ZNF618: variants seen among roughly 807,000 people sequenced by gnomAD.
The protein encoded by ZNF618 is neural precursor cell expressed, developmentally down-regulated 10.
ZNF618 carries 34 observed loss-of-function variants against 103.0 expected under a neutral mutation model. The observed-to-expected ratio is 0.33, with a 90% CI of 0.25 to 0.44. The LOEUF (loss-of-function observed/expected upper bound fraction) is 0.44. Among genes scored for constraint, ZNF618 ranks in the 20% least tolerant of loss-of-function variants. The pLI, the probability that ZNF618 is intolerant of heterozygous loss-of-function variation, is 1.00. For missense variants in ZNF618, 1,059 were observed against 1,295.4 expected (o/e 0.82, Z 2.80); for synonymous variants, 551 against 542.2 (o/e 1.02, Z -0.23).
chr9:113,933,220 CTG>C (rs1221205774), intron 1 of ZNF618, among the ~76,000 whole-genome samples: 1 of 152,168 alleles, frequency 6.6e-6, no homozygotes, highest in Non-Finnish European at 1.5e-5. Context: ...AGAATGGGAA[CTG>C]AGGTAGAGCC....
At chr9:113,929,195 A>C (rs1359347335) in intron 1 of ZNF618, among the ~76,000 whole-genome samples, 1 of 152,128 alleles carries the variant, frequency 6.6e-6, no homozygotes, top group East Asian at 1.9e-4. Flanking sequence ...CTCCCCTAAG[A>C]CTGGACCCCA....
chr9:114,000,656 T>C (rs1401037704), intron 4 of ZNF618, among the ~76,000 whole-genome samples: 2 of 152,152 alleles, frequency 1.3e-5, no homozygotes, highest in Non-Finnish European at 2.9e-5. Context: ...CCAGCTTCAC[T>C]TCATGCCTCA....
At chr9:114,035,366 G>A in intron 12 of ZNF618, 1 of 578,262 alleles carries the variant, frequency 1.7e-6, no homozygotes, top group South Asian at 7.6e-5. Flanking sequence ...GGCAGACCCG[G>A]CAGCTGGTGG....
In ZNF618 at chr9:114,019,925, A is replaced by C. The variant is rs200731737; in HGVS notation, c.844+3141A>C. Among the ~76,000 whole-genome samples the C allele has an allele frequency of 7.2e-5, 11 of 152,280 alleles. No homozygotes were observed. The East Asian group carries it at 2.1e-3, about 29-fold the overall frequency. On this transcript the variant is annotated intron_variant, in intron 10 of 14. Coordinates refer to ENST00000374126, the MANE Select transcript of ZNF618 (RefSeq NM_001318042.2). ...CTCAAGGATATCCTTGCCTACCTCA[A>C]AATGGTAAAGATACCCTGTTTTATT... is the stretch of plus-strand genomic sequence containing the variant.
intron 1 of ZNF618, among the ~76,000 whole-genome samples, chr9:113,951,647 C>A (rs939265521): frequency 6.7e-6 from 1 of 150,244 alleles, no homozygotes; most frequent in South Asian, 2.1e-4. Flanking sequence ...CCCATTAACT[C>A]TAGTATTTCC....
At chr9:114,015,519 C>G (rs1246663240) in intron 9 of ZNF618, among the ~76,000 whole-genome samples, 1 of 152,076 alleles carries the variant, frequency 6.6e-6, no homozygotes, top group East Asian at 1.9e-4. Context: ...CATTTTCATA[C>G]CTTTCTGGTT....
At chr9:113,949,543 CTCTT>C (rs1247783396) in intron 1 of ZNF618, among the ~76,000 whole-genome samples, 1 of 152,176 alleles carries the variant, frequency 6.6e-6, no homozygotes, top group Non-Finnish European at 1.5e-5. Context: ...CTCAGTCAGA[CTCTT>C]TCCCTGGAGG....
intron 1 of ZNF618, among the ~76,000 whole-genome samples, chr9:113,946,528 C>A (rs923297690): frequency 6.6e-6 from 1 of 152,150 alleles, no homozygotes; most frequent in African/African-American, 2.4e-5. Flanking sequence ...TCCTTCAAGA[C>A]ATCCCACCTT....
At position 114,029,084 on chromosome 9, in the gene ZNF618, C is replaced by T; in HGVS notation, c.1084+112C>T. 9.1e-6 allele frequency: 13 copies of T among 1,422,378 alleles called. No individual in the cohort carries two copies. The South Asian group carries it at 1.4e-4, about 16-fold the overall frequency. The allele number at this position is 1,422,378 out of a possible 1,614,324, so 88.1% of individuals were successfully genotyped here. A position where few individuals can be genotyped will look rare whatever the true frequency, so the allele number is the denominator to read the frequency against. ...CTTGCAAGAGCAAGAGTGGCAGTCC[C>T]GTAGTGATCTGGGACAAATCTGAGT... On this transcript the variant is annotated intron_variant, in intron 11 of 14. Transcript: ENST00000374126.
At chr9:114,002,555 T>C in intron 5 of ZNF618, 69 bp from the exon 6 acceptor site, 6 of 767,078 alleles carry the variant, frequency 7.8e-6, no homozygotes, top group Non-Finnish European at 1.2e-5. Flanking sequence ...TGTTCTCTTT[T>C]GCACTTGGCA....
intron 4 of ZNF618, 74 bp downstream of exon 4, chr9:113,998,428 G>C: frequency 7.4e-7 from 1 of 1,352,904 alleles, no homozygotes; most frequent in Non-Finnish European, 1.0e-6. Context: ...ACAGCCATCA[G>C]TTACAGACCT....
chr9:114,008,571 C>G lies in ZNF618; in HGVS notation c.754+17C>G, dbSNP rs1310000160. 6.2e-7 allele frequency: 1 copy of G among 1,613,320 alleles called. No individual in the cohort carries two copies. The stretch of plus-strand genomic sequence containing the variant: ...TCGGGCCAAGTATGCGGGATTCCCT[C>G]TGGGGCCAAGGGCTGGGTGGGGGCT... On this transcript the variant is annotated intron_variant, in intron 9 of 14. Coordinates refer to ENST00000374126, the MANE Select transcript of ZNF618 (RefSeq NM_001318042.2).
chr9:114,016,294 A>T lies in ZNF618; in HGVS notation c.755-401A>T, dbSNP rs1430225934. ...GGGACCCCGGGTGTGGCCACTGCAG[A>T]GGGCAGGGCTTGCAAAGGGGCTGAC... On this transcript the variant is annotated intron_variant, in intron 9 of 14. Transcript: ENST00000374126. 5.1e-6 allele frequency: 4 copies of T among 790,906 alleles called. No homozygotes were observed. The East Asian group carries it at 7.8e-5, about 15-fold the overall frequency. 49.0% of individuals were successfully genotyped at this position (790,906 alleles called of 1,614,324 possible).
At chr9:113,973,313 C>T (rs1838171695) in intron 2 of ZNF618, among the ~76,000 whole-genome samples, 1 of 152,174 alleles carries the variant, frequency 6.6e-6, no homozygotes, top group Non-Finnish European at 1.5e-5. Flanking sequence ...GGCTTCTACC[C>T]CCAGCTATGC....
At chr9:113,989,543 T>G (rs1475620467) in intron 3 of ZNF618, among the ~76,000 whole-genome samples, 1 of 151,998 alleles carries the variant, frequency 6.6e-6, no homozygotes, top group Non-Finnish European at 1.5e-5. Flanking sequence ...TGGCTCCAGA[T>G]TTCTGCTTCC....
Position 114,048,827 on chromosome 9 carries a change from T to C in ZNF618, c.1525T>C (p.Phe509Leu). The C allele has an allele frequency of 6.2e-7, 1 of 1,612,468 alleles. No individual in the cohort carries two copies. Among genetic ancestry groups the C allele is most frequent in the Admixed American group, 1.7e-5 (1 of 59,678 alleles). ...AGACAGTGGTGCCCGCTATGGGGCC[T>C]TCTCGGTCACTGAAATCCTGGGCAA... Reference protein sequence around the residue: ...LVDSGARYGAFSVTEILGNFN... With the variant: ...LVDSGARYGALSVTEILGNFN... The change falls in exon 15 of 15, where the codon TTC becomes CTC. Residue 509 changes from phenylalanine (F) to leucine (L), a missense_variant. By Grantham distance (22) the Phe-to-Leu change is conservative. Around this residue, in one of 6 missense-constraint regions of ZNF618, gnomAD observed 434 missense variants for 476.0 expected, o/e 0.91. Transcript: ENST00000374126.
intron 1 of ZNF618, among the ~76,000 whole-genome samples, chr9:113,934,486 C>T (rs1344868242): frequency 6.6e-6 from 1 of 152,204 alleles, no homozygotes; most frequent in Non-Finnish European, 1.5e-5. Context: ...ATGGAACGCG[C>T]TGAAGCCCGT....
chr9:113,879,769 T>C (rs1469002359), intron 1 of ZNF618, among the ~76,000 whole-genome samples: 1 of 151,918 alleles, frequency 6.6e-6, no homozygotes, highest in Non-Finnish European at 1.5e-5. Context: ...GTTTTGCTTT[T>C]CTGCCTAAGG....
At chr9:113,979,544 C>T (rs1838792530) in intron 2 of ZNF618, among the ~76,000 whole-genome samples, 1 of 152,246 alleles carries the variant, frequency 6.6e-6, no homozygotes, top group Non-Finnish European at 1.5e-5. Context: ...TTCTTCAGTT[C>T]TGAATATTCA....
Sources: gnomAD v4.1 joint callset for allele counts (sites outside exome capture counted in the v4.1 genomes callset) on GRCh38, gnomAD v4.1.1 for gene constraint, gnomAD v4.1.1 regional missense constraint, MANE v1.5 for transcripts, NCBI Gene and HGNC (gene_info 2026-07-23, HGNC 2026-07-21) for gene names.